ZMYM2: variants seen among roughly 807,000 people sequenced by gnomAD.
ZMYM2 encodes the protein zinc finger MYM-type protein 2.
Under a neutral mutation model 162.8 loss-of-function variants are expected in ZMYM2, and 56 were observed. That is an observed-to-expected ratio of 0.34 (90% CI 0.28 to 0.43). ZMYM2 has a LOEUF of 0.43. ZMYM2 is among the 20% of genes least tolerant of loss of function. The pLI is 1.00. For synonymous variants in ZMYM2, 510 were observed against 541.6 expected (o/e 0.94, Z 0.81); for missense variants, 1,275 against 1,621.8 (o/e 0.79, Z 3.67).
chr13:19,885,875 A>G, the ZMYM2 span, among the ~76,000 whole-genome samples: 97 of 32,038 alleles, frequency 3.0e-3, 7 homozygotes, highest in Middle Eastern at 0.014. Flanking sequence ...ATATATATGT[A>G]TATACACATA....
At chr13:20,002,126 A>G (rs866590915) in intron 3 of ZMYM2, among the ~76,000 whole-genome samples, 2 of 152,250 alleles carry the variant, frequency 1.3e-5, no homozygotes, top group Non-Finnish European at 1.5e-5. Context: ...GAAACTAAAC[A>G]TATATGGAAA....
chr13:20,015,982 G>C (rs1951592542), intron 6 of ZMYM2, among the ~76,000 whole-genome samples: 1 of 151,848 alleles, frequency 6.6e-6, no homozygotes, highest in African/African-American at 2.4e-5. Context: ...CTTTTGATTG[G>C]ATAATTTGAT....
At chr13:20,050,512 AT>A (rs1341989314) in intron 12 of ZMYM2, among the ~76,000 whole-genome samples, 2 of 6,784 alleles carry the variant, frequency 2.9e-4, no homozygotes, top group Admixed American at 5.7e-3. Flanking sequence ...ATTGAAAAAA[AT>A]AATAATAGTT....
chr13:19,994,764 C>T (rs1052824286), intron 3 of ZMYM2, among the ~76,000 whole-genome samples: 4 of 152,042 alleles, frequency 2.6e-5, no homozygotes, highest in African/African-American at 9.7e-5. Flanking sequence ...GCTGGGATTA[C>T]AGGCGTGAGT....
chr13:19,995,002 T>A (rs867956099), intron 3 of ZMYM2, among the ~76,000 whole-genome samples: 10 of 140,556 alleles, frequency 7.1e-5, no homozygotes, highest in East Asian at 2.1e-4. Context: ...CTGGCTAAAT[T>A]AAAAAAAAAA....
intron 12 of ZMYM2, among the ~76,000 whole-genome samples, chr13:20,043,014 G>C (rs1247250833): frequency 6.6e-6 from 1 of 152,064 alleles, no homozygotes. Context: ...ATGGACCACT[G>C]TGCCCAGCCA....
chr13:19,881,785 G>A, the ZMYM2 span, among the ~76,000 whole-genome samples: 2 of 151,702 alleles, frequency 1.3e-5, no homozygotes, highest in Admixed American at 6.6e-5. Context: ...AGGAGTTCAA[G>A]ACCACACTGG....
chr13:19,982,933 T>TA lies in ZMYM2; in HGVS notation c.-10-10123dup, dbSNP rs534052082. 9.2e-5 allele frequency among the ~76,000 whole-genome samples: 14 copies of TA among 152,208 alleles called. No homozygotes were observed. In the South Asian group the frequency reaches 1.5e-3, roughly 16 times the overall value. On this transcript the variant is annotated intron_variant, in intron 2 of 24. Coordinates refer to ENST00000610343, the MANE Select transcript of ZMYM2 (RefSeq NM_197968.4). ...TTCCTTGTAGGTTTGTCGTTTTTTT[T>TA]AAAAAAACCCTTACTGTAGGTTTAG...
chr13:19,992,272 G>A (rs1487318811), intron 2 of ZMYM2, among the ~76,000 whole-genome samples: 2 of 152,178 alleles, frequency 1.3e-5, no homozygotes, highest in African/African-American at 4.8e-5. Context: ...AGATGAGATG[G>A]CCAGGCACAA....
At chr13:19,905,506 C>A in the ZMYM2 span, among the ~76,000 whole-genome samples, 1 of 152,178 alleles carries the variant, frequency 6.6e-6, no homozygotes, top group African/African-American at 2.4e-5. Context: ...GGCTGTCACA[C>A]TTCTCACTGC....
At chr13:19,872,432 C>A in the ZMYM2 span, among the ~76,000 whole-genome samples, 1 of 151,952 alleles carries the variant, frequency 6.6e-6, no homozygotes, top group Non-Finnish European at 1.5e-5. Flanking sequence ...TGCCTGTAAT[C>A]CTAGGTACTT....
At chr13:19,864,489 G>T in the ZMYM2 span, 1 of 154,898 alleles carries the variant, frequency 6.5e-6, no homozygotes, top group Non-Finnish European at 1.5e-5. Context: ...CGGGCGCGAC[G>T]GTGGAGACAC....
the ZMYM2 span, among the ~76,000 whole-genome samples, chr13:19,881,332 G>A: frequency 1.3e-5 from 2 of 151,944 alleles, no homozygotes; most frequent in Non-Finnish European, 2.9e-5. Context: ...TCAACAAATG[G>A]GGGAGGGGGC....
chr13:19,889,693 G>A, the ZMYM2 span, among the ~76,000 whole-genome samples: 4 of 151,918 alleles, frequency 2.6e-5, no homozygotes, highest in African/African-American at 9.7e-5. Flanking sequence ...GTGCCTTTTA[G>A]TGCTTTGGTG....
At chr13:19,977,406 A>G (rs574605811) in intron 2 of ZMYM2, among the ~76,000 whole-genome samples, 1 of 151,660 alleles carries the variant, frequency 6.6e-6, no homozygotes, top group African/African-American at 2.4e-5. Flanking sequence ...TTATAATTTA[A>G]TCTATTTATG....
chr13:20,039,679 T>TGTTA (rs1954058936), intron 12 of ZMYM2, among the ~76,000 whole-genome samples: 1 of 152,168 alleles, frequency 6.6e-6, no homozygotes. Flanking sequence ...GATTTCACCA[T>TGTTA]GTTAGCCAGG....
intron 16 of ZMYM2, 107 bp downstream of exon 16, chr13:20,059,669 C>G (rs1317351224): frequency 1.5e-6 from 1 of 662,362 alleles, no homozygotes; most frequent in East Asian, 2.8e-5. Flanking sequence ...TCCATGCATC[C>G]ACATATGTGG....
intron 3 of ZMYM2, among the ~76,000 whole-genome samples, chr13:19,996,305 G>C (rs1277323783): frequency 6.6e-6 from 1 of 152,202 alleles, no homozygotes; most frequent in Non-Finnish European, 1.5e-5. Flanking sequence ...CTGGTGCCAA[G>C]CATGGTGGCT....
chr13:19,942,415 G>A, the ZMYM2 span, among the ~76,000 whole-genome samples: 1 of 151,764 alleles, frequency 6.6e-6, no homozygotes, highest in Non-Finnish European at 1.5e-5. Flanking sequence ...TTTATCATCT[G>A]TGTACTTTTT....
Sources: allele counts gnomAD v4.1 joint callset (sites outside exome capture counted in the v4.1 genomes callset), GRCh38; gene constraint gnomAD v4.1.1; transcripts MANE v1.5; gene names NCBI Gene and HGNC (gene_info 2026-07-23, HGNC 2026-07-21).